The following ESR1 variants were observed in gnomAD, a reference collection of about 807,000 sequenced individuals.
ESR1 encodes the protein estrogen receptor.
ESR1 carries 12 observed loss-of-function variants against 52.7 expected under a neutral mutation model. The ratio of observed to expected loss-of-function variants is 0.23; its 90% CI spans 0.15 to 0.37. The LOEUF (loss-of-function observed/expected upper bound fraction) is 0.37. Among genes scored for constraint, ESR1 ranks in the 10% least tolerant of loss-of-function variants. ESR1 has a pLI of 1.00. For missense variants in ESR1, 584 were observed against 779.7 expected (o/e 0.75, Z 2.99); for synonymous variants, 305 against 316.8 (o/e 0.96, Z 0.39).
At chr6:151,958,607 C>T (rs182835572) in intron 4 of ESR1, among the ~76,000 whole-genome samples, 63 of 152,272 alleles carry the variant, frequency 4.1e-4, no homozygotes, top group Non-Finnish European at 7.4e-4. Context: ...GTCATTCAAA[C>T]GATTTGACTG....
At chr6:151,770,160 A>C (rs1785398703) in intron 2 of ESR1, among the ~76,000 whole-genome samples, 1 of 152,258 alleles carries the variant, frequency 6.6e-6, no homozygotes, top group Non-Finnish European at 1.5e-5. Context: ...CAACCAACTC[A>C]GATGCTTTGT....
intron 3 of ESR1, among the ~76,000 whole-genome samples, chr6:151,920,192 C>T (rs184095754): frequency 5.9e-5 from 9 of 152,128 alleles, no homozygotes; most frequent in African/African-American, 1.7e-4. Flanking sequence ...TTCAGCTGTG[C>T]GCCATCAACA....
intron 4 of ESR1, among the ~76,000 whole-genome samples, chr6:151,957,085 G>C (rs371917696): frequency 6.6e-6 from 1 of 151,512 alleles, no homozygotes; most frequent in African/African-American, 2.4e-5. Context: ...CACTGTGTTA[G>C]CCAGGATGGT....
chr6:151,759,506 A>T (rs553625031), intron 2 of ESR1, among the ~76,000 whole-genome samples: 4 of 152,030 alleles, frequency 2.6e-5, no homozygotes, highest in East Asian at 3.9e-4. Flanking sequence ...CCTAAAACTT[A>T]AAGTATAATA....
chr6:151,963,711 T>C (rs143206861), intron 4 of ESR1, among the ~76,000 whole-genome samples: 235 of 152,348 alleles, frequency 1.5e-3, no homozygotes, highest in African/African-American at 5.1e-3. Flanking sequence ...TTTGCTTTTG[T>C]TGCCTGTGCA....
intron 3 of ESR1, among the ~76,000 whole-genome samples, chr6:151,898,133 C>T (rs1449246326): frequency 6.6e-6 from 1 of 152,064 alleles, no homozygotes. Context: ...GATTATTTTT[C>T]TTATCTTAAC....
chr6:152,017,434 G>A (rs2043251041), intron 5 of ESR1, among the ~76,000 whole-genome samples: 1 of 152,068 alleles, frequency 6.6e-6, no homozygotes, highest in Non-Finnish European at 1.5e-5. Context: ...GTTATTATAA[G>A]GTATAAATAA....
Position 152,126,301 on chromosome 6 carries a change from G to A in ESR1, c.*953G>A, listed in dbSNP as rs988465590. 2.0e-5 allele frequency: 3 copies of A among 152,154 alleles called. No homozygotes were observed. The East Asian group carries it at 5.8e-4, about 29-fold the overall frequency. The allele number at this position is 152,154 out of a possible 1,614,324, so 9.4% of individuals were successfully genotyped here. On this transcript the variant is annotated 3_prime_UTR_variant, in exon 7 of 7. Coordinates refer to the ESR1 transcript ENST00000427531. ...GCCCAAAGCTGCCTCATCTTCAGGG[G>A]GAACTTGTTCTAGCGATTTTAGTAT...
At chr6:152,065,753 G>T (rs901376452) in intron 6 of ESR1, among the ~76,000 whole-genome samples, 2 of 152,058 alleles carry the variant, frequency 1.3e-5, no homozygotes, top group African/African-American at 4.8e-5. Context: ...TGTGCTGCTG[G>T]CTTCTGCATC....
In ESR1 at chr6:152,102,689, TTG is replaced by T. The variant is rs1432098579; in HGVS notation, c.*3725_*3726del. 2 of 220,048 alleles carry T rather than the reference TTG, an allele frequency of 9.1e-6. No individual in the cohort carries two copies. Among genetic ancestry groups the T allele is most frequent in the African/African-American group, 4.5e-5 (2 of 44,650 alleles). 13.6% of individuals were successfully genotyped at this position (220,048 alleles called of 1,614,324 possible). A position where few individuals can be genotyped will look rare whatever the true frequency, so the allele number is the denominator to read the frequency against. Reference sequence around the variant, plus strand: ...TGGCCTCGTTTTTAGTCATTTAAAATTGTTTTCTAAGTAATTGCTGCCTCTAT... The same window carrying T: ...TGGCCTCGTTTTTAGTCATTTAAAATTTTTCTAAGTAATTGCTGCCTCTAT... On this transcript the variant is annotated 3_prime_UTR_variant, in exon 8 of 8. Transcript: ENST00000206249.
chr6:151,892,604 T>C (rs1057006604), intron 3 of ESR1, among the ~76,000 whole-genome samples: 1 of 151,752 alleles, frequency 6.6e-6, no homozygotes, highest in African/African-American at 2.4e-5. Context: ...TTTTTTTTTT[T>C]TTTCTGTTAG....
intron 2 of ESR1, among the ~76,000 whole-genome samples, chr6:151,705,720 C>G (rs766399158): frequency 6.6e-5 from 10 of 152,070 alleles, no homozygotes; most frequent in African/African-American, 9.7e-5. Context: ...AATCTTGTCT[C>G]TAAGTAAGCT....
chr6:151,668,577 C>A (rs2021696), intron 1 of ESR1, among the ~76,000 whole-genome samples: 2,901 of 152,208 alleles, frequency 0.019, 90 homozygotes, highest in African/African-American at 0.064. Context: ...GCCACTGCAC[C>A]CGGCCAGAAA....
At chr6:151,816,960 T>C (rs1779755950) in intron 1 of ESR1, among the ~76,000 whole-genome samples, 1 of 152,152 alleles carries the variant, frequency 6.6e-6, no homozygotes, top group African/African-American at 2.4e-5. Flanking sequence ...GCATTAAGTA[T>C]TGTGGACTGA....
chr6:151,838,779 C>T (rs551912504), intron 1 of ESR1, among the ~76,000 whole-genome samples: 1 of 151,974 alleles, frequency 6.6e-6, no homozygotes, highest in Non-Finnish European at 1.5e-5. Flanking sequence ...TGAATATAGC[C>T]CATGTAGTTT....
Position 151,779,899 on chromosome 6 carries a change from CAA to C in ESR1, c.-70-27924_-70-27923del, listed in dbSNP as rs1192077755. Among the ~76,000 whole-genome samples, 19 of 44,730 alleles carry C rather than the reference CAA, an allele frequency of 4.2e-4. No homozygotes were observed. In the South Asian group the frequency reaches 8.2e-3, roughly 19 times the overall value. 29.3% of individuals were successfully genotyped at this position (44,730 alleles called of 152,430 possible). A position where few individuals can be genotyped will look rare whatever the true frequency, so the allele number is the denominator to read the frequency against. ...TGGGCGACAGAGCGAGACTCCGTCT[CAA>C]AAAAAAAAAAAAAAAAAAAGGAAAT... On this transcript the variant is annotated intron_variant, in intron 2 of 2. Transcript: ENST00000404742.
intron 3 of ESR1, among the ~76,000 whole-genome samples, chr6:151,931,621 C>G (rs372234554): frequency 1.5e-5 from 2 of 131,474 alleles, no homozygotes; most frequent in East Asian, 2.4e-4. Context: ...CCCCACAACA[C>G]TCCCCAGAGT....
rs1253273108 is a variant in ESR1 at position 152,098,084 on chromosome 6, C to A, written c.1554-648C>A. On this transcript the variant is annotated intron_variant, in intron 7 of 7. Coordinates refer to ENST00000206249, the MANE Select transcript of ESR1 (RefSeq NM_000125.4). The surrounding 1 kb of genome is among the most constrained non-coding windows in gnomAD (Gnocchi z 5.1). ...GCAAGTAGGAACAGCAAGTGTAGGT[C>A]CCCTAAGTCTTGGGGGAGCTTAGTT... Among the ~76,000 whole-genome samples, 1 of 151,964 alleles carries A rather than the reference C, an allele frequency of 6.6e-6. No individual in the cohort carries two copies. Among genetic ancestry groups the A allele is most frequent in the East Asian group, 1.9e-4 (1 of 5,166 alleles).
intron 6 of ESR1, among the ~76,000 whole-genome samples, chr6:152,116,110 G>A (rs1376093845): frequency 6.6e-6 from 1 of 152,212 alleles, no homozygotes; most frequent in Non-Finnish European, 1.5e-5. Flanking sequence ...CATCTCTGGT[G>A]TGGGTGGGAG....
Sources: allele counts gnomAD v4.1 joint callset (sites outside exome capture counted in the v4.1 genomes callset), GRCh38; gene constraint gnomAD v4.1.1; non-coding constraint Gnocchi (gnomAD v3.1); transcripts MANE v1.5; gene names NCBI Gene and HGNC (gene_info 2026-07-23, HGNC 2026-07-21).